The following OTUD7B variants were observed in gnomAD, a reference collection of about 807,000 sequenced individuals.
The protein encoded by OTUD7B is OTU deubiquitinase 7B.
OTUD7B carries 34 observed loss-of-function variants against 82.2 expected under a neutral mutation model. The observed-to-expected ratio is 0.41, with a 90% CI of 0.31 to 0.55. The LOEUF is 0.55. OTUD7B is among the 20% of genes least tolerant of loss of function. The pLI is 0.20. For synonymous variants in OTUD7B, 398 were observed against 402.7 expected (o/e 0.99, Z 0.14); for missense variants, 944 against 1,062.1 (o/e 0.89, Z 1.55).
upstream of OTUD7B, among the ~76,000 whole-genome samples, chr1:150,013,660 C>T (rs1653166324): frequency 6.6e-6 from 1 of 151,802 alleles, no homozygotes; most frequent in African/African-American, 2.4e-5. Flanking sequence ...CAGTGGCTCA[C>T]GCTTGTAATA....
At position 149,939,287 on chromosome 1, in the gene OTUD7B, C is replaced by T. The variant is rs993347203; in HGVS notation, c.*4570G>A. ...GAGGCCAAGGTCCTTCCCACCCCTA[C>T]TCCTCTTAACTGCTGCCAGCCAGCT... On this transcript the variant is annotated 3_prime_UTR_variant, in exon 12 of 12. Transcript: ENST00000581312. 8.5e-5 allele frequency: 13 copies of T among 152,344 alleles called. No individual in the cohort carries two copies. Among genetic ancestry groups the T allele is most frequent in the African/African-American group, 2.9e-4 (12 of 41,446 alleles). The allele number at this position is 152,344 out of a possible 1,614,324, so 9.4% of individuals were successfully genotyped here.
the OTUD7B span, among the ~76,000 whole-genome samples, chr1:150,065,098 T>A: frequency 3.3e-5 from 5 of 151,490 alleles, no homozygotes; most frequent in African/African-American, 4.9e-5. Context: ...TGCTTTTTTT[T>A]TTGGAGACAG....
chr1:149,963,625 A>G (rs1476898581), intron 6 of OTUD7B: 5 of 151,810 alleles, frequency 3.3e-5, no homozygotes, highest in Non-Finnish European at 7.4e-5. Flanking sequence ...AAGTACAAAC[A>G]ATCTGTTGTT....
the OTUD7B span, among the ~76,000 whole-genome samples, chr1:150,016,849 C>T: frequency 1.3e-5 from 2 of 152,258 alleles, no homozygotes; most frequent in East Asian, 1.9e-4. Context: ...AATGTGCAGT[C>T]GGCTCTAGCA....
In OTUD7B at chr1:149,943,675, C is replaced by T; in HGVS notation, c.*182G>A. 1 of 643,604 alleles carries T rather than the reference C, an allele frequency of 1.6e-6. No individual in the cohort carries two copies. The highest frequency in any genetic ancestry group is 1.9e-5 in the South Asian group (1 of 52,064). The allele number at this position is 643,604 out of a possible 1,614,324, so 39.9% of individuals were successfully genotyped here. A position where few individuals can be genotyped will look rare whatever the true frequency, so the allele number is the denominator to read the frequency against. On this transcript the variant is annotated 3_prime_UTR_variant, in exon 12 of 12. Transcript: ENST00000581312. ...ATAGTACAGCCCCTGAGGTGCCATCCAGCCCCGACCTGCTCTTGCCAGCCT... is the reference window on the plus strand; with the variant it reads ...ATAGTACAGCCCCTGAGGTGCCATCTAGCCCCGACCTGCTCTTGCCAGCCT...
chr1:150,015,642 T>C (rs1653244904), upstream of OTUD7B, among the ~76,000 whole-genome samples: 1 of 152,146 alleles, frequency 6.6e-6, no homozygotes, highest in African/African-American at 2.4e-5. Flanking sequence ...GTTTTCTCTC[T>C]TTTCAAAAAC....
At chr1:150,017,796 T>C in the OTUD7B span, among the ~76,000 whole-genome samples, 7 of 152,350 alleles carry the variant, frequency 4.6e-5, no homozygotes, top group Admixed American at 6.5e-5. Context: ...ACTCCCCTTT[T>C]TTCTTTGTGA....
At chr1:149,975,487 T>C (rs1650243355) in intron 2 of OTUD7B, among the ~76,000 whole-genome samples, 1 of 152,196 alleles carries the variant, frequency 6.6e-6, no homozygotes, top group Admixed American at 6.5e-5. Context: ...GAGAATAAAA[T>C]AACATATCTC....
chr1:149,950,805 T>TTC (rs2101747309), intron 7 of OTUD7B, among the ~76,000 whole-genome samples: 1 of 144,332 alleles, frequency 6.9e-6, no homozygotes, highest in East Asian at 2.0e-4. Flanking sequence ...TTTTCTTTTT[T>TTC]TTTTTTGAGA....
At chr1:150,007,685 T>C (rs1478706609) in intron 1 of OTUD7B, among the ~76,000 whole-genome samples, 1 of 152,174 alleles carries the variant, frequency 6.6e-6, no homozygotes, top group Admixed American at 6.5e-5. Context: ...ATGTCTTATT[T>C]AAAAACAAAC....
chr1:149,997,374 A>T (rs1651986264), intron 1 of OTUD7B, among the ~76,000 whole-genome samples: 1 of 152,230 alleles, frequency 6.6e-6, no homozygotes, highest in African/African-American at 2.4e-5. Flanking sequence ...CTTTCAGGTA[A>T]TAAGATCTAT....
In OTUD7B at chr1:149,940,242, A is replaced by T. The variant is rs1430832269; in HGVS notation, c.*3615T>A. On this transcript the variant is annotated 3_prime_UTR_variant, in exon 12 of 12. Coordinates refer to ENST00000581312, the MANE Select transcript of OTUD7B (RefSeq NM_020205.4). The stretch of plus-strand genomic sequence containing the variant: ...ATAGAAAAAAAAAAACTGAGCTAAT[A>T]GAGGGAAGGTACTTCCCTTCCACTG... 1 of 151,600 alleles carries T rather than the reference A, an allele frequency of 6.6e-6. No homozygotes were observed. Among genetic ancestry groups the T allele is most frequent in the Non-Finnish European group, 1.5e-5 (1 of 67,962 alleles). The allele number at this position is 151,600 out of a possible 1,614,324, so 9.4% of individuals were successfully genotyped here.
intron 7 of OTUD7B, among the ~76,000 whole-genome samples, chr1:149,950,779 T>G (rs587741609): frequency 0.14 from 190 of 1,390 alleles, 1 homozygote; most frequent in African/African-American, 0.32. Flanking sequence ...CCATCTCCCG[T>G]GTGTTTTTTG....
the OTUD7B span, among the ~76,000 whole-genome samples, chr1:150,018,879 CCT>C: frequency 2.6e-5 from 4 of 152,058 alleles, no homozygotes; most frequent in African/African-American, 9.7e-5. Flanking sequence ...TTCCTCCTCC[CCT>C]CTTTCTCTAT....
intron 7 of OTUD7B, 131 bp downstream of exon 7, chr1:149,959,553 T>C (rs889903930): frequency 5.2e-5 from 34 of 650,216 alleles, no homozygotes; most frequent in Non-Finnish European, 8.4e-5. Context: ...TTACACACTT[T>C]TGTGCCCTTA....
the OTUD7B span, among the ~76,000 whole-genome samples, chr1:150,029,049 G>A: frequency 1.3e-5 from 2 of 151,998 alleles, no homozygotes; most frequent in African/African-American, 4.8e-5. Context: ...GAACTGTACT[G>A]TTTTTATGAA....
Position 149,958,322 on chromosome 1 carries a change from C to CTTTTTTT in OTUD7B, c.845+1355_845+1361dup, listed in dbSNP as rs34299927. Among the ~76,000 whole-genome samples, 79 of 86,390 alleles carry CTTTTTTT rather than the reference C, an allele frequency of 9.1e-4. 1 individual carries two copies. The highest frequency in any genetic ancestry group is 1.0e-3 in the Non-Finnish European group (49 of 48,644). 56.7% of individuals were successfully genotyped at this position (86,390 alleles called of 152,430 possible). A position where few individuals can be genotyped will look rare whatever the true frequency, so the allele number is the denominator to read the frequency against. On this transcript the variant is annotated intron_variant, in intron 7 of 11. Transcript: ENST00000581312. ...TATCTCTAAAAACATAAAGGACTAC[C>CTTTTTTT]TTTTTTTTTTTTTTTTTTTTTTTGA...
At chr1:150,055,511 G>A in the OTUD7B span, among the ~76,000 whole-genome samples, 1 of 152,178 alleles carries the variant, frequency 6.6e-6, no homozygotes, top group African/African-American at 2.4e-5. Context: ...GCTAAAAGCA[G>A]AACTACCATT....
rs1360003700 is a variant in OTUD7B at position 149,943,295 on chromosome 1, T to C, written c.*562A>G. 2 of 153,584 alleles carry C rather than the reference T, an allele frequency of 1.3e-5. No homozygotes were observed. Among genetic ancestry groups the C allele is most frequent in the East Asian group, 3.8e-4 (2 of 5,200 alleles). The allele number at this position is 153,584 out of a possible 1,614,324, so 9.5% of individuals were successfully genotyped here. A position where few individuals can be genotyped will look rare whatever the true frequency, so the allele number is the denominator to read the frequency against. Reference sequence around the variant, plus strand: ...ACCCCCACCTCCTAACAGGCACCCATGAGGACACATTACTGCCTTGTCTTT... The same window carrying C: ...ACCCCCACCTCCTAACAGGCACCCACGAGGACACATTACTGCCTTGTCTTT... On this transcript the variant is annotated 3_prime_UTR_variant, in exon 12 of 12. Coordinates refer to ENST00000581312, the MANE Select transcript of OTUD7B (RefSeq NM_020205.4).
Sources: gnomAD v4.1 joint callset for allele counts (sites outside exome capture counted in the v4.1 genomes callset) on GRCh38, gnomAD v4.1.1 for gene constraint, MANE v1.5 for transcripts, NCBI Gene and HGNC (gene_info 2026-07-23, HGNC 2026-07-21) for gene names.